Variants in VMP1 observed in about 807,000 individuals in gnomAD.
VMP1 encodes the protein ectopic P-granules autophagy protein 3 homolog.
A neutral mutation model predicts 56.0 loss-of-function variants in VMP1; 11 were observed. The observed-to-expected ratio is 0.20, with a 90% CI of 0.12 to 0.32. The LOEUF is 0.32. VMP1 is among the 10% of genes least tolerant of loss of function. The probability of loss-of-function intolerance (pLI) is 1.00; values close to 1 mark genes in which losing one functional copy is unlikely to be tolerated. For synonymous variants in VMP1, 149 were observed against 165.0 expected, an observed-to-expected ratio of 0.90 and a Z score of 0.74; for missense variants, 296 against 490.3, an observed-to-expected ratio of 0.60 and a Z score of 3.74.
chr17:59,808,798 C>G lies in VMP1; in HGVS notation c.717C>G (p.Asp239Glu). ...TTTCTAAATTTGCCTTTTTACAGGACTTTGCCTCCCGGGCCAAACTGGCAG... is the reference window on the plus strand; with the variant it reads ...TTTCTAAATTTGCCTTTTTACAGGAGTTTGCCTCCCGGGCCAAACTGGCAG... ...EMLEHAESAQ[D>E]FASRAKLAVQ... Residue 239 changes from aspartate (D) to glutamate (E), a missense_variant and splice_region_variant, in exon 8 of 12, where the codon GAC becomes GAG. This residue lies in a region of VMP1 where 126 missense variants were observed against 231.6 expected (regional missense o/e 0.54). Transcript: ENST00000262291. 1 of 1,613,600 alleles carries G rather than the reference C, an allele frequency of 6.2e-7. No individual in the cohort carries two copies.
At chr17:59,728,272 A>G (rs2034685261) in intron 1 of VMP1, among the ~76,000 whole-genome samples, 1 of 152,222 alleles carries the variant, frequency 6.6e-6, no homozygotes, top group Non-Finnish European at 1.5e-5. Flanking sequence ...GATTGGACCC[A>G]TGACCATATC....
chr17:59,773,521 C>T (rs570674083), intron 6 of VMP1, among the ~76,000 whole-genome samples: 1 of 151,950 alleles, frequency 6.6e-6, no homozygotes, highest in Admixed American at 6.6e-5. Flanking sequence ...AGGTGCGTGC[C>T]CACTGTGCCT....
At chr17:59,815,508 G>A (rs2038195464) in intron 9 of VMP1, among the ~76,000 whole-genome samples, 1 of 147,952 alleles carries the variant, frequency 6.8e-6, no homozygotes, top group South Asian at 2.2e-4. Context: ...GCCTAGAATA[G>A]CATCCAGGAG....
rs1209160684 is a variant in VMP1, at chr17:59,731,408, T to C, written c.-26-13T>C. The C allele has an allele frequency of 1.3e-6, 2 of 1,517,374 alleles. No individual in the cohort carries two copies. The allele number at this position is 1,517,374 out of a possible 1,614,324, so 94.0% of individuals were successfully genotyped here. On this transcript the variant is annotated splice_polypyrimidine_tract_variant and intron_variant, in intron 1 of 11. Coordinates refer to ENST00000262291, the MANE Select transcript of VMP1 (RefSeq NM_030938.5). ...TTTGTAATGTATTGCTGGATTTTAT[T>C]TTGCTGTATTAGCTCCTCAAGAGTT... is the stretch of plus-strand genomic sequence containing the variant.
chr17:59,806,064 G>GT (rs1246951672), intron 7 of VMP1, among the ~76,000 whole-genome samples: 2 of 152,024 alleles, frequency 1.3e-5, no homozygotes, highest in Non-Finnish European at 2.9e-5. Context: ...AATAGTATCT[G>GT]TTGATACTTT....
At chr17:59,776,048 A>G (rs935216511) in intron 7 of VMP1, among the ~76,000 whole-genome samples, 2 of 152,080 alleles carry the variant, frequency 1.3e-5, no homozygotes, top group East Asian at 3.8e-4. Flanking sequence ...TCTCATCTCT[A>G]CAAAAAATGA....
intron 5 of VMP1, among the ~76,000 whole-genome samples, chr17:59,741,102 G>A (rs147487187): frequency 2.6e-5 from 4 of 152,218 alleles, no homozygotes; most frequent in East Asian, 1.9e-4. Context: ...AGGCTGAAGC[G>A]AGAGGATGGC....
At chr17:59,731,771 G>A (rs979625703) in intron 2 of VMP1, among the ~76,000 whole-genome samples, 1 of 152,144 alleles carries the variant, frequency 6.6e-6, no homozygotes, top group Non-Finnish European at 1.5e-5. Flanking sequence ...AGTATGGTCA[G>A]TGTTTATTTG....
intron 11 of VMP1, chr17:59,838,883 T>C (rs1024866074): frequency 6.5e-6 from 1 of 152,772 alleles, no homozygotes; most frequent in Non-Finnish European, 1.5e-5. Flanking sequence ...CTGTAAACGA[T>C]TCTGAGGCAA....
intron 10 of VMP1, among the ~76,000 whole-genome samples, 190 bp downstream of exon 10, chr17:59,817,963 A>G (rs931719628): frequency 1.3e-5 from 2 of 152,114 alleles, no homozygotes; most frequent in Admixed American, 6.6e-5. Flanking sequence ...AGCTTACATT[A>G]TCCCTGTTTA....
intron 7 of VMP1, chr17:59,784,792 AATAGTC>A: frequency 6.6e-6 from 1 of 152,218 alleles, no homozygotes; most frequent in African/African-American, 2.4e-5. Flanking sequence ...CTTTGAGTTT[AATAGTC>A]ATCTGAGAGC....
intron 6 of VMP1, among the ~76,000 whole-genome samples, chr17:59,773,377 A>G (rs1276275868): frequency 6.6e-6 from 1 of 151,504 alleles, no homozygotes; most frequent in African/African-American, 2.4e-5. Context: ...CTTAGTGTCT[A>G]CAATGAGCCA....
intron 6 of VMP1, among the ~76,000 whole-genome samples, chr17:59,773,079 A>G (rs557327218): frequency 6.1e-5 from 9 of 146,936 alleles, no homozygotes; most frequent in Non-Finnish European, 1.0e-4. Context: ...TTCCTGCCTC[A>G]GCCTCCAGAG....
At chr17:59,796,663 A>C (rs2144148293) in intron 7 of VMP1, among the ~76,000 whole-genome samples, 1 of 152,312 alleles carries the variant, frequency 6.6e-6, no homozygotes. Context: ...TGTTTTTCTA[A>C]AACTTAGCAT....
chr17:59,805,527 A>G (rs562185638), intron 7 of VMP1, among the ~76,000 whole-genome samples: 2 of 152,214 alleles, frequency 1.3e-5, no homozygotes, highest in Admixed American at 6.5e-5. Context: ...GTATGTGTAT[A>G]TGTGATTCTA....
At chr17:59,750,955 C>T (rs2035619666) in intron 5 of VMP1, among the ~76,000 whole-genome samples, 1 of 104,444 alleles carries the variant, frequency 9.6e-6, no homozygotes. Context: ...TTTTTGGAGA[C>T]AGAGTCTAGC....
intron 8 of VMP1, among the ~76,000 whole-genome samples, chr17:59,810,445 C>T (rs536735584): frequency 6.6e-6 from 1 of 152,252 alleles, no homozygotes; most frequent in South Asian, 2.1e-4. Context: ...TAAGACACTG[C>T]GCCCAGCCTA....
At chr17:59,764,367 T>C (rs1178114171) in intron 5 of VMP1, among the ~76,000 whole-genome samples, 1 of 152,206 alleles carries the variant, frequency 6.6e-6, no homozygotes, top group African/African-American at 2.4e-5. Flanking sequence ...CTTGTTCCGT[T>C]GTCCAGACTG....
chr17:59,767,938 A>G (rs1003035577), intron 6 of VMP1, among the ~76,000 whole-genome samples: 3 of 151,716 alleles, frequency 2.0e-5, no homozygotes, highest in African/African-American at 7.3e-5. Flanking sequence ...GTGAAACCCC[A>G]TCTCTACTAA....
Sources: allele counts gnomAD v4.1 joint callset (sites outside exome capture counted in the v4.1 genomes callset), GRCh38; gene constraint gnomAD v4.1.1; regional missense constraint gnomAD v4.1.1; transcripts MANE v1.5; gene names NCBI Gene and HGNC (gene_info 2026-07-23, HGNC 2026-07-21).